ADGRV1: variants seen among roughly 807,000 people sequenced by gnomAD.
ADGRV1 encodes the protein G-protein coupled receptor 98.
ADGRV1 carries 359 observed loss-of-function variants against 596.2 expected under a neutral mutation model. The observed-to-expected ratio is 0.60, with a 90% CI of 0.55 to 0.66. The LOEUF is 0.66. Among genes scored for constraint, ADGRV1 ranks in the 30% least tolerant of loss-of-function variants. ADGRV1 has a pLI of 0.00. For synonymous variants in ADGRV1, 2,681 were observed against 2,679.2 expected (o/e 1.00, Z -0.02); for missense variants, 7,274 against 7,575.6 (o/e 0.96, Z 1.48).
intron 11 of ADGRV1, 79 bp downstream of exon 11, chr5:90,638,027 T>A: frequency 2.0e-6 from 2 of 999,184 alleles, no homozygotes; most frequent in Non-Finnish European, 2.9e-6. Context: ...TTTTTACTCT[T>A]TTTTTTCTAT....
At chr5:90,754,647 C>G (rs1755632804) in intron 54 of ADGRV1, among the ~76,000 whole-genome samples, 1 of 152,130 alleles carries the variant, frequency 6.6e-6, no homozygotes, top group Admixed American at 6.5e-5. Flanking sequence ...ATTATCATCT[C>G]TGTTCAACCT....
chr5:90,994,045 T>G (rs1459038130), intron 85 of ADGRV1, among the ~76,000 whole-genome samples: 1 of 151,792 alleles, frequency 6.6e-6, no homozygotes, highest in Non-Finnish European at 1.5e-5. Flanking sequence ...ATTTTGGGTA[T>G]TGTACTTTTC....
rs897945123 is a variant in ADGRV1 at position 91,143,498 on chromosome 5, G to A, written c.18433-6532G>A. ...CCTCTCCGCAGCTGGTCGTCCCTAC[G>A]TCTGCTCAGCTCTCAGCAGAGAGGA... On this transcript the variant is annotated intron_variant, in intron 87 of 89. Coordinates refer to ENST00000405460, the MANE Select transcript of ADGRV1 (RefSeq NM_032119.4). Among the ~76,000 whole-genome samples, 7 of 152,166 alleles carry A rather than the reference G, an allele frequency of 4.6e-5. No individual in the cohort carries two copies. In the East Asian group the frequency reaches 1.2e-3, roughly 25 times the overall value.
At chr5:90,712,495 T>G in intron 42 of ADGRV1, 67 bp downstream of exon 42, 1 of 1,154,642 alleles carries the variant, frequency 8.7e-7, no homozygotes, top group South Asian at 1.5e-5. Flanking sequence ...TGGGGGAAGA[T>G]GTAAAGGAAT....
chr5:91,126,619 A>G (rs1469351375), intron 87 of ADGRV1, among the ~76,000 whole-genome samples: 2 of 152,106 alleles, frequency 1.3e-5, no homozygotes, highest in Non-Finnish European at 2.9e-5. Context: ...GGAAGTGCAT[A>G]TTTTTCATGT....
chr5:90,747,806 C>G (rs1315334817), intron 52 of ADGRV1, among the ~76,000 whole-genome samples: 2 of 152,148 alleles, frequency 1.3e-5, no homozygotes, highest in Admixed American at 1.3e-4. Context: ...TTCCAGTTCC[C>G]AGACACCAGC....
intron 2 of ADGRV1, among the ~76,000 whole-genome samples, chr5:90,615,280 A>G (rs745696414): frequency 2.6e-5 from 4 of 151,926 alleles, no homozygotes; most frequent in Non-Finnish European, 5.9e-5. Context: ...TTTTAGAACA[A>G]GAACTTTTCA....
chr5:91,155,720 C>T (rs1380013310), intron 89 of ADGRV1, among the ~76,000 whole-genome samples: 1 of 152,068 alleles, frequency 6.6e-6, no homozygotes, highest in Non-Finnish European at 1.5e-5. Flanking sequence ...AAATGCTATT[C>T]GGATGCCATG....
chr5:91,014,507 G>A (rs986750409), intron 85 of ADGRV1, among the ~76,000 whole-genome samples: 1 of 151,616 alleles, frequency 6.6e-6, no homozygotes, highest in Non-Finnish European at 1.5e-5. Context: ...TCAGGTCCTG[G>A]GAGTTTTTTT....
chr5:91,018,583 C>T (rs1343698849), intron 85 of ADGRV1, among the ~76,000 whole-genome samples: 5 of 151,784 alleles, frequency 3.3e-5, no homozygotes. Flanking sequence ...CCATGTTTGC[C>T]CTAAGTCAGC....
intron 26 of ADGRV1, among the ~76,000 whole-genome samples, chr5:90,680,797 G>C (rs1247770932): frequency 1.3e-5 from 2 of 152,108 alleles, no homozygotes; most frequent in Non-Finnish European, 2.9e-5. Context: ...TTAGATCATG[G>C]CATCTTTTTA....
rs1750122173 is a variant in ADGRV1, at chr5:90,716,457, A to G, written c.9185-10A>G. On this transcript the variant is annotated splice_polypyrimidine_tract_variant and intron_variant, in intron 42 of 89. Coordinates refer to ENST00000405460, the MANE Select transcript of ADGRV1 (RefSeq NM_032119.4). Reference sequence around the variant, plus strand: ...TTTCATTTGTTGCTTTAATATTTTTATTTTGGCAGCCTTAATTATTGTCCT... The same window carrying G: ...TTTCATTTGTTGCTTTAATATTTTTGTTTTGGCAGCCTTAATTATTGTCCT... 2 of 1,526,574 alleles carry G rather than the reference A, an allele frequency of 1.3e-6. No homozygotes were observed. 94.6% of individuals were successfully genotyped at this position (1,526,574 alleles called of 1,614,324 possible).
rs74750705 is a variant in ADGRV1, at chr5:91,036,561, T to TAA, written c.18153-35871_18153-35870dup. ...TGGGCGACAAAGCGAGACTCCGTCT[T>TAA]AAAAAAAAAAAAAAAACGGCCAGGC... On this transcript the variant is annotated intron_variant, in intron 85 of 89. Coordinates refer to ENST00000405460, the MANE Select transcript of ADGRV1 (RefSeq NM_032119.4). Among the ~76,000 whole-genome samples, 1,017 of 118,026 alleles carry TAA rather than the reference T, an allele frequency of 8.6e-3. 6 individuals are homozygous for TAA. The highest frequency in any genetic ancestry group is 0.032 in the Middle Eastern group (8 of 250). 77.4% of individuals were successfully genotyped at this position (118,026 alleles called of 152,430 possible).
intron 60 of ADGRV1, among the ~76,000 whole-genome samples, chr5:90,776,200 G>A (rs886251151): frequency 1.3e-5 from 2 of 152,118 alleles, no homozygotes; most frequent in African/African-American, 4.8e-5. Flanking sequence ...GCATGATAGG[G>A]CAATTACTGC....
At chr5:90,936,517 A>C (rs912830036) in intron 83 of ADGRV1, among the ~76,000 whole-genome samples, 1 of 152,004 alleles carries the variant, frequency 6.6e-6, no homozygotes, top group Admixed American at 6.5e-5. Context: ...AACCAAGCTT[A>C]TGGTTTTGTT....
At chr5:91,014,586 G>C (rs1216727092) in intron 85 of ADGRV1, among the ~76,000 whole-genome samples, 1 of 150,938 alleles carries the variant, frequency 6.6e-6, no homozygotes, top group African/African-American at 2.4e-5. Context: ...TTATTGGTCT[G>C]TTCAGGGAAT....
At chr5:91,069,203 G>A (rs1453902789) in intron 85 of ADGRV1, among the ~76,000 whole-genome samples, 3 of 152,034 alleles carry the variant, frequency 2.0e-5, no homozygotes, top group Non-Finnish European at 4.4e-5. Flanking sequence ...AGAAAACCTA[G>A]GAAATACCAT....
chr5:91,061,772 G>C (rs897681965), intron 85 of ADGRV1, among the ~76,000 whole-genome samples: 4 of 152,186 alleles, frequency 2.6e-5, no homozygotes, highest in African/African-American at 9.6e-5. Context: ...TGTAGAGTTA[G>C]TTAGCAATTC....
At chr5:90,588,258 A>G (rs1759034081) in intron 1 of ADGRV1, among the ~76,000 whole-genome samples, 1 of 152,226 alleles carries the variant, frequency 6.6e-6, no homozygotes, top group Non-Finnish European at 1.5e-5. Context: ...GAGGAAAAGA[A>G]TGGGTAAATG....
Sources: gnomAD v4.1 joint callset for allele counts (sites outside exome capture counted in the v4.1 genomes callset) on GRCh38, gnomAD v4.1.1 for gene constraint, MANE v1.5 for transcripts, NCBI Gene and HGNC (gene_info 2026-07-23, HGNC 2026-07-21) for gene names.